SPATA7: variants seen among roughly 807,000 people sequenced by gnomAD.
The protein encoded by SPATA7 is spermatogenesis-associated protein 7.
In SPATA7, 43 loss-of-function variants were observed where a neutral mutation model predicts 51.8. The ratio of observed to expected loss-of-function variants is 0.83; its 90% confidence interval spans 0.65 to 1.07. SPATA7 has a LOEUF of 1.07. Among genes scored for constraint, SPATA7 ranks in the 50% least tolerant of loss-of-function variants. The probability of loss-of-function intolerance (pLI) is 0.00; values close to 1 mark genes in which losing one functional copy is unlikely to be tolerated. For synonymous variants in SPATA7, 230 were observed against 252.8 expected (o/e 0.91, Z 0.86); for missense variants, 683 against 701.3 (o/e 0.97, Z 0.30).
chr14:88,456,433 G>A (rs2077284391), downstream of SPATA7, among the ~76,000 whole-genome samples: 1 of 151,732 alleles, frequency 6.6e-6, no homozygotes. Context: ...GTGTGAGATG[G>A]TATCTCATTG....
At chr14:88,457,124 A>G (rs1453873312), downstream of SPATA7, among the ~76,000 whole-genome samples, 1 of 152,072 alleles carries the variant, frequency 6.6e-6, no homozygotes, top group East Asian at 1.9e-4. Context: ...TTTGGTTACT[A>G]TAGCCTTGTA....
At chr14:88,455,999 G>A (rs1172301482), downstream of SPATA7, among the ~76,000 whole-genome samples, 1 of 151,286 alleles carries the variant, frequency 6.6e-6, no homozygotes, top group Non-Finnish European at 1.5e-5. Flanking sequence ...CCTTGCGATA[G>A]TTTGCTGAGA....
intron 3 of SPATA7, among the ~76,000 whole-genome samples, chr14:88,452,220 C>T (rs1009910785): frequency 6.6e-6 from 1 of 152,140 alleles, no homozygotes; most frequent in Non-Finnish European, 1.5e-5. Flanking sequence ...GCAGGGCTAC[C>T]AAGCTCTGGG....
At chr14:88,418,342 G>A (rs1555374719) in intron 5 of SPATA7, among the ~76,000 whole-genome samples, 1 of 151,954 alleles carries the variant, frequency 6.6e-6, no homozygotes, top group Non-Finnish European at 1.5e-5. Context: ...TTACTTCTTT[G>A]CTAGTGTAAG....
intron 10 of SPATA7, 69 bp from the exon 11 acceptor site, chr14:88,437,474 A>G: frequency 9.3e-7 from 1 of 1,080,282 alleles, no homozygotes. Flanking sequence ...TTTCAGTGTT[A>G]CGTAGCTAGT....
chr14:88,397,170 G>T (rs561755468), intron 4 of SPATA7, among the ~76,000 whole-genome samples: 1 of 152,150 alleles, frequency 6.6e-6, no homozygotes, highest in African/African-American at 2.4e-5. Flanking sequence ...GATTATAGGC[G>T]TGAGCCACTG....
At chr14:88,400,026 C>T (rs1023918295) in intron 4 of SPATA7, among the ~76,000 whole-genome samples, 19 of 152,252 alleles carry the variant, frequency 1.2e-4, no homozygotes, top group African/African-American at 2.9e-4. Context: ...TTGAAGAATA[C>T]GCACTCCTCA....
At chr14:88,424,942 T>C (rs1057340963) in intron 5 of SPATA7, among the ~76,000 whole-genome samples, 2 of 152,188 alleles carry the variant, frequency 1.3e-5, no homozygotes, top group Non-Finnish European at 2.9e-5. Context: ...AGCTGACTTA[T>C]TTGTTCCCAG....
chr14:88,460,781 C>T (rs933771505), intron 4 of SPATA7, among the ~76,000 whole-genome samples: 205 of 152,266 alleles, frequency 1.3e-3, no homozygotes, highest in African/African-American at 4.6e-3. Flanking sequence ...GGGGGAGAGG[C>T]GCTCTGATTT....
At position 88,469,182 on chromosome 14, in the gene SPATA7, G is replaced by C. The variant is rs1171661839; in HGVS notation, c.255-665G>C. ...ACTGATTAAGAGGACTGCAGATAAA[G>C]AGCACTGGGTGCCAGTGAACCAAAC... On this transcript the variant is annotated intron_variant, in intron 4 of 4. Coordinates refer to the SPATA7 transcript ENST00000556406. This position sits in a 1 kb window ranked among gnomAD's most constrained non-coding sequence, Gnocchi z 4.3. 3 of 1,293,252 alleles carry C rather than the reference G, an allele frequency of 2.3e-6. No homozygotes were observed. The highest frequency in any genetic ancestry group is 3.2e-6 in the Non-Finnish European group (3 of 947,728). 80.1% of individuals were successfully genotyped at this position (1,293,252 alleles called of 1,614,324 possible).
downstream of SPATA7, among the ~76,000 whole-genome samples, chr14:88,459,215 A>G (rs2077302473): frequency 6.6e-6 from 1 of 152,130 alleles, no homozygotes; most frequent in Non-Finnish European, 1.5e-5. Flanking sequence ...TGTGGTGGAG[A>G]GTTCTGTAGA....
intron 1 of SPATA7, chr14:88,386,067 C>T: frequency 7.0e-7 from 1 of 1,419,168 alleles, no homozygotes; most frequent in Non-Finnish European, 9.2e-7. Flanking sequence ...CGCCCTGACA[C>T]CAGGGGCCCC....
At position 88,438,049 on chromosome 14, in the gene SPATA7, CG is replaced by C; in HGVS notation, c.1429del (p.Ala477HisfsTer29). 6.2e-7 allele frequency: 1 copy of C among 1,613,998 alleles called. No individual in the cohort carries two copies. Among genetic ancestry groups the C allele is most frequent in the Non-Finnish European group, 8.5e-7 (1 of 1,179,998 alleles). Reference protein sequence around the residue: ...QYQKALDMLLSAPKDENEIFP... With the variant: ...QYQKALDMLLXAPKDENEIFP... ...CAAAAGGCTTTGGATATGTTATTGT[CG>C]GCACCAAAGGATGAGAACGAGATAT... On this transcript the variant is annotated frameshift_variant, in exon 12 of 12. Transcript: ENST00000393545. LOFTEE classifies it low-confidence loss of function (END_TRUNC).
chr14:88,389,632 A>G (rs1291872459), intron 1 of SPATA7, among the ~76,000 whole-genome samples: 3 of 152,196 alleles, frequency 2.0e-5, no homozygotes, highest in Non-Finnish European at 4.4e-5. Flanking sequence ...TCTAAATTCC[A>G]TGTTTGTTCT....
intron 4 of SPATA7, 142 bp downstream of exon 4, chr14:88,396,345 A>G: frequency 1.5e-6 from 1 of 649,620 alleles, no homozygotes; most frequent in Non-Finnish European, 2.7e-6. Context: ...GATAACTACT[A>G]CCTCCAGAAC....
chr14:88,443,146 T>C (rs550033082), downstream of SPATA7, among the ~76,000 whole-genome samples: 6 of 152,250 alleles, frequency 3.9e-5, no homozygotes, highest in African/African-American at 1.4e-4. Flanking sequence ...GGTTTCACCA[T>C]GTTGGCCAGA....
At position 88,465,241 on chromosome 14, in the gene SPATA7, CAGATCACTTG is replaced by C. The variant is rs2077348754; in HGVS notation, c.255-4603_255-4594del. On this transcript the variant is annotated intron_variant, in intron 4 of 4. Transcript: ENST00000556406. ...CAGCACTTTGGGAGGCCGAGGCAGA[CAGATCACTTG>C]AGGTCAGGAGTTGGAGACCAGCCTG... 8.5e-5 allele frequency among the ~76,000 whole-genome samples: 13 copies of C among 152,188 alleles called. No homozygotes were observed. In the South Asian group the frequency reaches 2.7e-3, roughly 32 times the overall value.
intron 1 of SPATA7, 128 bp downstream of exon 1, chr14:88,385,965 C>T: frequency 6.5e-7 from 1 of 1,531,990 alleles, no homozygotes; most frequent in Non-Finnish European, 8.8e-7. Flanking sequence ...GCTGAGTCGC[C>T]AGTGTTGCCT....
chr14:88,394,280 G>A (rs2075822392), intron 3 of SPATA7, among the ~76,000 whole-genome samples: 1 of 152,096 alleles, frequency 6.6e-6, no homozygotes, highest in South Asian at 2.1e-4. Context: ...TATAGAAAAA[G>A]TCCATTACCT....
Sources: gnomAD v4.1 joint callset for allele counts (sites outside exome capture counted in the v4.1 genomes callset) on GRCh38, gnomAD v4.1.1 for gene constraint, Gnocchi (gnomAD v3.1) non-coding constraint, MANE v1.5 for transcripts, NCBI Gene and HGNC (gene_info 2026-07-23, HGNC 2026-07-21) for gene names.